MAPKAP1: variants seen among roughly 807,000 people sequenced by gnomAD.
The protein encoded by MAPKAP1 is MAPK associated protein 1.
A neutral mutation model predicts 65.7 loss-of-function variants in MAPKAP1; 20 were observed. The observed-to-expected ratio is 0.30, with a 90% confidence interval of 0.21 to 0.44. MAPKAP1 has a LOEUF of 0.44. Among genes scored for constraint, MAPKAP1 ranks in the 20% least tolerant of loss-of-function variants. MAPKAP1 has a pLI of 1.00. For synonymous variants in MAPKAP1, 222 were observed against 244.3 expected, an observed-to-expected ratio of 0.91 and a Z score of 0.85; for missense variants, 423 against 648.0, an observed-to-expected ratio of 0.65 and a Z score of 3.77.
intron 1 of MAPKAP1, among the ~76,000 whole-genome samples, chr9:125,693,608 C>T (rs1264985470): frequency 6.7e-6 from 1 of 149,512 alleles, no homozygotes; most frequent in Non-Finnish European, 1.5e-5. Flanking sequence ...CACACATACA[C>T]ATATATACAC....
intron 4 of MAPKAP1, among the ~76,000 whole-genome samples, chr9:125,590,670 G>A (rs1261663723): frequency 2.0e-5 from 3 of 152,084 alleles, no homozygotes; most frequent in East Asian, 1.9e-4. Flanking sequence ...AAAGGGGGGC[G>A]GGGCATAGGG....
At chr9:125,459,960 A>G (rs890135866) in intron 10 of MAPKAP1, among the ~76,000 whole-genome samples, 1 of 152,150 alleles carries the variant, frequency 6.6e-6, no homozygotes, top group Admixed American at 6.5e-5. Flanking sequence ...AGAGTAACTT[A>G]AAATCTAAGC....
intron 5 of MAPKAP1, among the ~76,000 whole-genome samples, chr9:125,578,130 AC>A (rs1295466265): frequency 6.6e-6 from 1 of 152,028 alleles, no homozygotes; most frequent in Non-Finnish European, 1.5e-5. Context: ...CTATGACCTT[AC>A]CCCCAACCCG....
At chr9:125,515,914 C>T (rs1008926621) in intron 7 of MAPKAP1, among the ~76,000 whole-genome samples, 54 of 152,306 alleles carry the variant, frequency 3.5e-4, no homozygotes, top group African/African-American at 1.2e-3. Flanking sequence ...GAGTAGATGG[C>T]ACTCTTTCCT....
rs545459426 is a variant in MAPKAP1, at chr9:125,700,246, A to G, written c.-70+6725T>C. ...TTTTCAAAAGAAAACCATTCCTTCA[A>G]ACAATTTTCTACCAATTTCTCTGCT... On this transcript the variant is annotated intron_variant, in intron 1 of 11. Coordinates refer to ENST00000265960, the MANE Select transcript of MAPKAP1 (RefSeq NM_001006617.3). 3.4e-4 allele frequency among the ~76,000 whole-genome samples: 52 copies of G among 152,334 alleles called. No homozygotes were observed. The East Asian group carries it at 0.01, about 29-fold the overall frequency.
chr9:125,611,873 G>A (rs1392105036), intron 4 of MAPKAP1, among the ~76,000 whole-genome samples: 5 of 152,118 alleles, frequency 3.3e-5, no homozygotes, highest in Non-Finnish European at 5.9e-5. Flanking sequence ...AAATTCAAGC[G>A]TATTTCTGTC....
chr9:125,698,316 T>TAAA lies in MAPKAP1; in HGVS notation c.-70+8654_-70+8655insTTT, dbSNP rs1199852961. Among the ~76,000 whole-genome samples the TAAA allele has an allele frequency of 7.3e-4, 63 of 86,636 alleles. 1 individual carries two copies. The highest frequency in any genetic ancestry group is 2.5e-3 in the South Asian group (8 of 3,222). 56.8% of individuals were successfully genotyped at this position (86,636 alleles called of 152,430 possible). A position where few individuals can be genotyped will look rare whatever the true frequency, so the allele number is the denominator to read the frequency against. ...ATATATATATATATATATATATATA[T>TAAA]ATATATATATATATATATATAAAAT... is the stretch of plus-strand genomic sequence containing the variant. On this transcript the variant is annotated intron_variant, in intron 1 of 11. Coordinates refer to ENST00000265960, the MANE Select transcript of MAPKAP1 (RefSeq NM_001006617.3).
At chr9:125,537,099 C>A (rs1184158039) in intron 7 of MAPKAP1, among the ~76,000 whole-genome samples, 4 of 152,154 alleles carry the variant, frequency 2.6e-5, no homozygotes, top group African/African-American at 7.2e-5. Flanking sequence ...TAATAAGCAA[C>A]ATGGTACAAA....
intron 10 of MAPKAP1, among the ~76,000 whole-genome samples, chr9:125,457,269 A>G (rs1049235682): frequency 5.9e-5 from 9 of 152,186 alleles, no homozygotes; most frequent in African/African-American, 2.2e-4. Context: ...GATTATAGGC[A>G]TGAGCCACTG....
rs1833544837 is a variant in MAPKAP1 at position 125,640,433 on chromosome 9, C to T, written c.498+17218G>A. Among the ~76,000 whole-genome samples the T allele has an allele frequency of 1.3e-5, 2 of 152,198 alleles. 1 individual carries two copies. Among genetic ancestry groups the T allele is most frequent in the South Asian group, 4.2e-4 (2 of 4,808 alleles). ...CTGTTTATCTCAGACTCTGAACTGG[C>T]TCCTTGAGGGACAGGGATTACCCTT... On this transcript the variant is annotated intron_variant, in intron 4 of 11. Transcript: ENST00000265960.
intron 7 of MAPKAP1, among the ~76,000 whole-genome samples, chr9:125,530,990 T>G (rs569834540): frequency 1.2e-4 from 18 of 152,220 alleles, no homozygotes; most frequent in Non-Finnish European, 1.6e-4. Flanking sequence ...TATTATTACC[T>G]CTATTTACAG....
intron 10 of MAPKAP1, among the ~76,000 whole-genome samples, chr9:125,449,742 G>A (rs897877785): frequency 2.0e-5 from 3 of 152,124 alleles, no homozygotes; most frequent in Admixed American, 1.3e-4. Context: ...AGGAGGCTGT[G>A]CTGAAAAAAC....
chr9:125,476,751 T>A (rs1186626545), intron 9 of MAPKAP1, among the ~76,000 whole-genome samples: 1 of 152,204 alleles, frequency 6.6e-6, no homozygotes. Context: ...AGTGCCGGCC[T>A]GTGGTTATTG....
intron 7 of MAPKAP1, among the ~76,000 whole-genome samples, chr9:125,516,835 T>C (rs1386097337): frequency 6.6e-6 from 1 of 152,246 alleles, no homozygotes; most frequent in Non-Finnish European, 1.5e-5. Context: ...ACTTAATAAA[T>C]GTCAGTTATA....
At chr9:125,459,200 C>A (rs1853349394) in intron 10 of MAPKAP1, among the ~76,000 whole-genome samples, 1 of 148,082 alleles carries the variant, frequency 6.8e-6, no homozygotes, top group African/African-American at 2.5e-5. Context: ...GAGGCGCTCC[C>A]CACATCTCAG....
At chr9:125,512,132 C>T (rs986403035) in intron 7 of MAPKAP1, among the ~76,000 whole-genome samples, 27 of 152,350 alleles carry the variant, frequency 1.8e-4, no homozygotes, top group Non-Finnish European at 3.7e-4. Context: ...ATCCCTTTAA[C>T]CCCTAACTGA....
intron 4 of MAPKAP1, among the ~76,000 whole-genome samples, chr9:125,602,892 C>T (rs563559424): frequency 1.3e-5 from 2 of 151,952 alleles, no homozygotes; most frequent in East Asian, 1.9e-4. Context: ...CCTCTGATTC[C>T]GTTTTCTCTC....
intron 1 of MAPKAP1, among the ~76,000 whole-genome samples, chr9:125,693,088 C>A (rs886893292): frequency 6.6e-6 from 1 of 152,098 alleles, no homozygotes; most frequent in Non-Finnish European, 1.5e-5. Context: ...ACCAGGGGAT[C>A]CGCATGAGAA....
Position 125,459,220 on chromosome 9 carries a change from G to A in MAPKAP1, c.1345+8752C>T, listed in dbSNP as rs1426987662. Among the ~76,000 whole-genome samples the A allele has an allele frequency of 1.3e-4, 20 of 150,720 alleles. No individual in the cohort carries two copies. The East Asian group carries it at 2.2e-3, about 17-fold the overall frequency. On this transcript the variant is annotated intron_variant, in intron 10 of 11. Coordinates refer to ENST00000265960, the MANE Select transcript of MAPKAP1 (RefSeq NM_001006617.3). ...GCTCCCCACATCTCAGACGATGGGCGGCGGGGCAGAGAGGCTCCTCACTTC... is the reference window on the plus strand; with the variant it reads ...GCTCCCCACATCTCAGACGATGGGCAGCGGGGCAGAGAGGCTCCTCACTTC...
Sources: gnomAD v4.1 joint callset for allele counts (sites outside exome capture counted in the v4.1 genomes callset) on GRCh38, gnomAD v4.1.1 for gene constraint, MANE v1.5 for transcripts, NCBI Gene and HGNC (gene_info 2026-07-23, HGNC 2026-07-21) for gene names.